Variants in MYRIP observed in about 807,000 individuals in gnomAD.
The protein encoded by MYRIP is rab effector MyRIP.
In MYRIP, 49 loss-of-function variants were observed where a neutral mutation model predicts 98.0. The observed-to-expected ratio is 0.50, with a 90% CI of 0.40 to 0.63. The LOEUF (loss-of-function observed/expected upper bound fraction) is 0.63. MYRIP is among the 30% of genes least tolerant of loss of function. MYRIP has a pLI of 0.00. For synonymous variants in MYRIP, 404 were observed against 409.5 expected (o/e 0.99, Z 0.16); for missense variants, 1,004 against 1,058.2 (o/e 0.95, Z 0.71).
intron 1 of MYRIP, among the ~76,000 whole-genome samples, chr3:39,852,438 A>C (rs962084664): frequency 2.6e-5 from 4 of 152,132 alleles, no homozygotes; most frequent in Non-Finnish European, 4.4e-5. Context: ...GCTTGGTTAC[A>C]TGGGTAGGCT....
At chr3:40,003,139 A>T (rs1371071456) in intron 2 of MYRIP, among the ~76,000 whole-genome samples, 1 of 151,886 alleles carries the variant, frequency 6.6e-6, no homozygotes, top group African/African-American at 2.4e-5. Context: ...ATATCTATAT[A>T]TATCTAGACA....
intron 2 of MYRIP, 65 bp from the exon 3 acceptor site, chr3:40,043,984 GA>G: frequency 6.7e-7 from 1 of 1,483,526 alleles, no homozygotes; most frequent in Non-Finnish European, 9.2e-7. Context: ...ATGCTTTGGG[GA>G]GACACCCCCT....
upstream of MYRIP, among the ~76,000 whole-genome samples, chr3:39,809,434 T>C (rs1356781550): frequency 6.8e-6 from 1 of 146,300 alleles, no homozygotes; most frequent in Non-Finnish European, 1.5e-5. Context: ...CCCGAGGTGC[T>C]CTGGAGGAAC....
intron 1 of MYRIP, among the ~76,000 whole-genome samples, chr3:39,879,046 C>G (rs1265026828): frequency 6.7e-6 from 1 of 150,268 alleles, no homozygotes; most frequent in Non-Finnish European, 1.5e-5. Flanking sequence ...AGCCTGGCAA[C>G]AGAGCGAGAC....
chr3:39,830,091 G>T (rs1941395570), intron 1 of MYRIP, among the ~76,000 whole-genome samples: 1 of 152,200 alleles, frequency 6.6e-6, no homozygotes, highest in East Asian at 1.9e-4. Context: ...AACTCTAAAA[G>T]TTCCTCAGTG....
intron 1 of MYRIP, among the ~76,000 whole-genome samples, chr3:39,836,810 G>C (rs879343417): frequency 6.6e-6 from 1 of 152,194 alleles, no homozygotes; most frequent in Non-Finnish European, 1.5e-5. Context: ...TAATTAACAT[G>C]GTTAAGAGAG....
intron 2 of MYRIP, among the ~76,000 whole-genome samples, chr3:39,912,230 G>C (rs1944039585): frequency 6.6e-6 from 1 of 152,138 alleles, no homozygotes; most frequent in South Asian, 2.1e-4. Flanking sequence ...CCTCAGGCTG[G>C]AAGAGACTAG....
intron 2 of MYRIP, among the ~76,000 whole-genome samples, chr3:40,013,977 C>G (rs1481252478): frequency 6.6e-6 from 1 of 152,198 alleles, no homozygotes; most frequent in East Asian, 1.9e-4. Context: ...GCACTAAAAT[C>G]TATTGATGTA....
intron 8 of MYRIP, chr3:40,174,268 A>G (rs1405120709): frequency 6.6e-6 from 1 of 152,200 alleles, no homozygotes; most frequent in Non-Finnish European, 1.5e-5. Context: ...TGTTACTGCA[A>G]CCTTCATTTT....
intron 1 of MYRIP, among the ~76,000 whole-genome samples, chr3:39,839,627 C>T (rs916282443): frequency 2.0e-4 from 31 of 152,106 alleles, no homozygotes; most frequent in African/African-American, 7.0e-4. Flanking sequence ...GTGGGCATTT[C>T]GTGCTATAAA....
rs145117593 is a variant in MYRIP, at chr3:40,018,167, ACT to A, written c.111-25880_111-25879del. On this transcript the variant is annotated intron_variant, in intron 2 of 16. Transcript: ENST00000302541. ...GCATTATCTTGGTCTCTGTCTCAAC[ACT>A]CTGACAGATTTCTTGGTTTCATCAG... Among the ~76,000 whole-genome samples, 1,233 of 152,086 alleles carry A rather than the reference ACT, an allele frequency of 8.1e-3. 16 individuals carry two copies. The highest frequency in any genetic ancestry group is 0.028 in the African/African-American group (1,174 of 41,468).
chr3:39,840,683 C>T (rs1941773793), intron 1 of MYRIP, among the ~76,000 whole-genome samples: 1 of 152,148 alleles, frequency 6.6e-6, no homozygotes, highest in African/African-American at 2.4e-5. Flanking sequence ...TCAGCATTTG[C>T]TTGTCTGTAA....
At chr3:40,018,325 T>C in intron 2 of MYRIP, among the ~76,000 whole-genome samples, 1 of 152,208 alleles carries the variant, frequency 6.6e-6, no homozygotes, top group African/African-American at 2.4e-5. Context: ...GATGATGCCA[T>C]GATATAAATC....
chr3:39,925,183 T>G (rs982022499), intron 2 of MYRIP, among the ~76,000 whole-genome samples: 5 of 151,470 alleles, frequency 3.3e-5, no homozygotes, highest in Non-Finnish European at 1.5e-5. Context: ...CAAAATGATT[T>G]AAAAAATAAA....
At chr3:39,822,142 A>C (rs1056151954) in intron 1 of MYRIP, among the ~76,000 whole-genome samples, 9 of 152,106 alleles carry the variant, frequency 5.9e-5, no homozygotes, top group African/African-American at 2.2e-4. Context: ...TCTTGTTTTT[A>C]AGTCTGTGTT....
chr3:39,975,075 T>A (rs1205116767), intron 2 of MYRIP, among the ~76,000 whole-genome samples: 2 of 152,034 alleles, frequency 1.3e-5, no homozygotes, highest in Non-Finnish European at 2.9e-5. Flanking sequence ...AAATAAAGGG[T>A]ATTCAATTAG....
intron 2 of MYRIP, among the ~76,000 whole-genome samples, chr3:40,043,423 C>A (rs1947591518): frequency 6.6e-6 from 1 of 151,954 alleles, no homozygotes; most frequent in East Asian, 1.9e-4. Context: ...GAAGTGTATG[C>A]ACCGTTATGT....
chr3:40,045,845 A>T (rs1947659106), intron 3 of MYRIP, among the ~76,000 whole-genome samples: 1 of 152,168 alleles, frequency 6.6e-6, no homozygotes, highest in Admixed American at 6.5e-5. Context: ...CAGAATCTGG[A>T]TAGTAAGGAA....
At position 39,943,110 on chromosome 3, in the gene MYRIP, G is replaced by A. The variant is rs186621936; in HGVS notation, c.110+42184G>A. ...AGACTCATCTGAGGCACCCATGACT[G>A]AGACTGGGTTCAAGAATGTGAAGTG... On this transcript the variant is annotated intron_variant, in intron 2 of 16. Transcript: ENST00000302541. Among the ~76,000 whole-genome samples the A allele has an allele frequency of 1.6e-4, 24 of 152,276 alleles. No individual in the cohort carries two copies. The East Asian group carries it at 4.1e-3, about 26-fold the overall frequency.
Sources: allele counts gnomAD v4.1 joint callset (sites outside exome capture counted in the v4.1 genomes callset), GRCh38; gene constraint gnomAD v4.1.1; transcripts MANE v1.5; gene names NCBI Gene and HGNC (gene_info 2026-07-23, HGNC 2026-07-21).